CFAP61: variants seen among roughly 807,000 people sequenced by gnomAD.
CFAP61 encodes cilia- and flagella-associated protein 61.
CFAP61 carries 107 observed loss-of-function variants against 135.6 expected under a neutral mutation model. The observed-to-expected ratio is 0.79, with a 90% CI of 0.67 to 0.93. The LOEUF (loss-of-function observed/expected upper bound fraction) is 0.93, where lower values mean the gene tolerates loss of function less well. CFAP61 is among the 40% of genes least tolerant of loss of function. The pLI is 0.00. For synonymous variants in CFAP61, 575 were observed against 578.5 expected, an observed-to-expected ratio of 0.99 and a Z score of 0.09; for missense variants, 1,507 against 1,556.2, an observed-to-expected ratio of 0.97 and a Z score of 0.53.
intron 24 of CFAP61, among the ~76,000 whole-genome samples, chr20:20,291,352 G>A (rs1418025194): frequency 2.6e-5 from 4 of 152,194 alleles, no homozygotes; most frequent in African/African-American, 7.2e-5. Flanking sequence ...AGCAACTACT[G>A]ATCTTCATAC....
chr20:20,279,934 C>T (rs2054064094), intron 22 of CFAP61, among the ~76,000 whole-genome samples: 1 of 152,056 alleles, frequency 6.6e-6, no homozygotes. Flanking sequence ...CTCATACTGT[C>T]TGCTTTGGGC....
intron 9 of CFAP61, among the ~76,000 whole-genome samples, chr20:20,149,673 A>G (rs2052233793): frequency 1.3e-5 from 2 of 152,238 alleles, no homozygotes; most frequent in Non-Finnish European, 1.5e-5. Context: ...AAGCAGCAGT[A>G]GGAAGAACCT....
intron 6 of CFAP61, among the ~76,000 whole-genome samples, chr20:20,088,575 C>A (rs1018193984): frequency 1.3e-5 from 2 of 152,140 alleles, no homozygotes; most frequent in Non-Finnish European, 2.9e-5. Flanking sequence ...AATTACCTCC[C>A]ACCAGCTTCC....
chr20:20,148,613 T>C (rs777418887), intron 9 of CFAP61, among the ~76,000 whole-genome samples: 2 of 152,228 alleles, frequency 1.3e-5, no homozygotes, highest in Non-Finnish European at 2.9e-5. Context: ...GTGCTACTGA[T>C]TTGTGTACAT....
intron 25 of CFAP61, among the ~76,000 whole-genome samples, chr20:20,329,779 T>G (rs1170340909): frequency 2.6e-5 from 4 of 152,242 alleles, no homozygotes; most frequent in Non-Finnish European, 5.9e-5. Flanking sequence ...GCCTCCACGC[T>G]TTCCCGGGCC....
chr20:20,215,095 T>A (rs923681458), intron 17 of CFAP61: 7 of 152,230 alleles, frequency 4.6e-5, no homozygotes, highest in African/African-American at 1.7e-4. Context: ...TGCTTGGTGA[T>A]CATTTTGCAT....
intron 20 of CFAP61, among the ~76,000 whole-genome samples, chr20:20,261,094 CT>C (rs1268727655): frequency 1.3e-5 from 2 of 152,154 alleles, no homozygotes; most frequent in Admixed American, 6.5e-5. Context: ...TAGTTGTTCC[CT>C]TTTGCTAAAT....
In CFAP61 at chr20:20,251,629, T is replaced by C; in HGVS notation, c.2194T>C (p.Ser732Pro). 2.5e-6 allele frequency: 4 copies of C among 1,614,174 alleles called. No individual in the cohort carries two copies. Among genetic ancestry groups the C allele is most frequent in the Non-Finnish European group, 3.4e-6 (4 of 1,180,008 alleles). The change falls in exon 20 of 27, where the codon TCA (serine) becomes CCA (proline). Residue 732 changes from serine (S) to proline (P), a missense_variant. Transcript: ENST00000245957. ...CFNDKDYALM[S>P]LCSWVNVVVG... ...TAATGATAAAGATTATGCACTGATG[T>C]CACTGTGCTCCTGGGTTAATGTCGT...
In CFAP61 at chr20:20,075,547, G is replaced by A. The variant is rs377695191; in HGVS notation, c.498G>A (p.Glu166=). The A allele has an allele frequency of 6.2e-6, 10 of 1,614,090 alleles. No individual in the cohort carries two copies. The African/African-American group carries it at 1.3e-4, about 22-fold the overall frequency. Residue 166 remains glutamate (E), a synonymous_variant, in exon 6 of 27, where the codon GAG becomes GAA. Coordinates refer to ENST00000245957, the MANE Select transcript of CFAP61 (RefSeq NM_015585.4). ...GGAACATCCCGTGTCTGACGTATGAGGAAGACTTTGCAGTGCATATATGTC... is the reference window on the plus strand; with the variant it reads ...GGAACATCCCGTGTCTGACGTATGAAGAAGACTTTGCAGTGCATATATGTC... ...QVGNIPCLTY[E]EDFAVHICHR...
chr20:20,210,851 C>T (rs1475695050), intron 17 of CFAP61, among the ~76,000 whole-genome samples: 3 of 152,180 alleles, frequency 2.0e-5, no homozygotes, highest in Admixed American at 6.5e-5. Flanking sequence ...ATGGGCCAGG[C>T]ACAGTGGCTC....
rs1402482718 is a variant in CFAP61, at chr20:20,277,415, C to T, written c.2753C>T (p.Ala918Val). 2 of 1,613,790 alleles carry T rather than the reference C, an allele frequency of 1.2e-6. No individual in the cohort carries two copies. Among genetic ancestry groups the T allele is most frequent in the Admixed American group, 1.7e-5 (1 of 60,012 alleles). ...DGLHPDPIYS[A>V]SFTTPTKPFR... ...CTGCACCCAGACCCCATCTACAGCG[C>T]CTCCTTCACCACACCCACCAAGCCT... The change falls in exon 22 of 27, where the codon GCC becomes GTC. Residue 918 changes from alanine to valine, a missense_variant. Physicochemically the swap from Ala to Val is moderately conservative, Grantham distance 64. Transcript: ENST00000245957.
In CFAP61 at chr20:20,246,116, G is replaced by C. The variant is rs749864721; in HGVS notation, c.2061-1G>C. Reference sequence around the variant, plus strand: ...TCTTTTTCATTTTTCTTTTTCTTTAGCTCTCACATGAAGTTTAATAATCTT... The same window carrying C: ...TCTTTTTCATTTTTCTTTTTCTTTACCTCTCACATGAAGTTTAATAATCTT... On this transcript the variant is annotated splice_acceptor_variant, in intron 18 of 26. Transcript: ENST00000245957. LOFTEE classifies it high-confidence loss of function. The C allele has an allele frequency of 3.8e-6, 6 of 1,584,524 alleles. No individual in the cohort carries two copies. Among genetic ancestry groups the C allele is most frequent in the Non-Finnish European group, 4.3e-6 (5 of 1,159,198 alleles).
At chr20:20,249,984 C>T (rs1411494777) in intron 19 of CFAP61, among the ~76,000 whole-genome samples, 2 of 152,156 alleles carry the variant, frequency 1.3e-5, no homozygotes, top group Non-Finnish European at 1.5e-5. Context: ...TTTCCTCTCA[C>T]TATCCATTAT....
intron 8 of CFAP61, among the ~76,000 whole-genome samples, chr20:20,105,663 G>A (rs1011332352): frequency 1.7e-5 from 2 of 115,408 alleles, no homozygotes; most frequent in African/African-American, 6.6e-5. Flanking sequence ...ACGGAGTCTC[G>A]CTCTGTCGCC....
At chr20:20,108,070 A>G (rs1180006653) in intron 8 of CFAP61, among the ~76,000 whole-genome samples, 1 of 152,236 alleles carries the variant, frequency 6.6e-6, no homozygotes, top group African/African-American at 2.4e-5. Context: ...TGAAATGCAC[A>G]TTAAAACCCA....
intron 21 of CFAP61, among the ~76,000 whole-genome samples, chr20:20,274,440 C>T (rs886208497): frequency 6.6e-6 from 1 of 152,182 alleles, no homozygotes; most frequent in Admixed American, 6.5e-5. Flanking sequence ...GTGGGGAGAT[C>T]ACTTGAGGTC....
intron 25 of CFAP61, among the ~76,000 whole-genome samples, chr20:20,338,383 G>A (rs2058318718): frequency 6.6e-6 from 1 of 152,188 alleles, no homozygotes; most frequent in South Asian, 2.1e-4. Context: ...GTGTCAGCTG[G>A]GGAGCCTGTG....
chr20:20,188,887 G>T (rs1187749257), intron 14 of CFAP61, among the ~76,000 whole-genome samples: 1 of 152,156 alleles, frequency 6.6e-6, no homozygotes, highest in Non-Finnish European at 1.5e-5. Flanking sequence ...CTTTCCCTAA[G>T]TTAATACCAC....
intron 25 of CFAP61, chr20:20,322,798 A>G (rs1367414202): frequency 1.0e-6 from 1 of 985,304 alleles, no homozygotes; most frequent in African/African-American, 1.7e-5. Context: ...GTTTGCTATC[A>G]TGTTATTAAT....
Sources: allele counts gnomAD v4.1 joint callset (sites outside exome capture counted in the v4.1 genomes callset), GRCh38; gene constraint gnomAD v4.1.1; transcripts MANE v1.5; gene names NCBI Gene and HGNC (gene_info 2026-07-23, HGNC 2026-07-21).